Variants in DIP2C observed in about 807,000 individuals in gnomAD.
The protein encoded by DIP2C is DIP2 acetate--CoA ligase C (putative).
Under a neutral mutation model 192.4 loss-of-function variants are expected in DIP2C, and 33 were observed. That is an observed-to-expected ratio of 0.17 (90% CI 0.13 to 0.23). The LOEUF (loss-of-function observed/expected upper bound fraction) is 0.23, where lower values mean the gene tolerates loss of function less well. DIP2C is among the 10% of genes least tolerant of loss of function. DIP2C has a pLI of 1.00. For synonymous variants in DIP2C, 979 were observed against 864.1 expected, an observed-to-expected ratio of 1.13 and a Z score of -2.33; for missense variants, 1,537 against 2,110.1, an observed-to-expected ratio of 0.73 and a Z score of 5.32.
Position 364,520 on chromosome 10 carries a change from C to A in DIP2C, c.2331G>T (p.Leu777Phe). 6.2e-7 allele frequency: 1 copy of A among 1,614,202 alleles called. No individual in the cohort carries two copies. The highest frequency in any genetic ancestry group is 8.5e-7 in the Non-Finnish European group (1 of 1,180,038). ...ISEYPFIRTG[L>F]LGFVGPGGLV... is the part of the protein sequence containing the mutation. ...GGCCTCCGGGACCCACGAACCCCAG[C>A]AAGCCTGTCCTTATGAATGGGTATT... The change falls in exon 20 of 37, where the codon TTG becomes TTT. Residue 777 changes from leucine (L) to phenylalanine (F), a missense_variant. Transcript: ENST00000280886.
Position 327,096 on chromosome 10 carries a change from C to G in DIP2C, c.3834G>C (p.Ser1278=), listed in dbSNP as rs374923846. Reference sequence around the variant, plus strand: ...CCAGGTCCTTAAACAGCTTTGAGAACGACTGTGTGAGTGCGATCCGAGGCC... The same window carrying G: ...CCAGGTCCTTAAACAGCTTTGAGAAGGACTGTGTGAGTGCGATCCGAGGCC... ...EERPRIALTQ[S]FSKLFKDLGL... The change falls in exon 31 of 37, where the codon TCG becomes TCC. Residue 1278 remains serine (S), a synonymous_variant. Transcript: ENST00000280886. 2 of 1,614,152 alleles carry G rather than the reference C, an allele frequency of 1.2e-6. No homozygotes were observed. Among genetic ancestry groups the G allele is most frequent in the Admixed American group, 1.7e-5 (1 of 60,030 alleles).
chr10:468,016 T>C (rs1377386185), intron 3 of DIP2C, among the ~76,000 whole-genome samples: 2 of 152,144 alleles, frequency 1.3e-5, no homozygotes, highest in African/African-American at 4.8e-5. Context: ...TACTGCAAGA[T>C]GAGTGGTCAC....
chr10:666,678 C>G lies in DIP2C; in HGVS notation c.85+22816G>C, dbSNP rs1857121528. The G allele has an allele frequency of 1.3e-5, 2 of 151,738 alleles. No individual in the cohort carries two copies. Among genetic ancestry groups the G allele is most frequent in the African/African-American group, 4.9e-5 (2 of 41,114 alleles). The allele number at this position is 151,738 out of a possible 1,614,324, so 9.4% of individuals were successfully genotyped here. ...GCACAGCTATTAAAAGTTCAATAAA[C>G]GTGGTGGCAGCAGCTGAACTGGCTA... On this transcript the variant is annotated intron_variant, in intron 1 of 36. Coordinates refer to ENST00000280886, the MANE Select transcript of DIP2C (RefSeq NM_014974.3). The surrounding 1 kb of genome is among the most constrained non-coding windows in gnomAD (Gnocchi z 4.1).
At chr10:679,626 G>A (rs182404493) in intron 1 of DIP2C, among the ~76,000 whole-genome samples, 599 of 93,658 alleles carry the variant, frequency 6.4e-3, no homozygotes, top group African/African-American at 0.026. Flanking sequence ...TGCTCCCTAT[G>A]CCCATGCTCC....
intron 2 of DIP2C, 21 bp downstream of exon 2, chr10:486,438 C>T (rs759689437): frequency 6.3e-7 from 1 of 1,578,888 alleles, no homozygotes; most frequent in Non-Finnish European, 8.6e-7. Flanking sequence ...AGGACTCATG[C>T]TACTCATGGG....
chr10:314,290 A>G (rs1225606478), intron 31 of DIP2C, among the ~76,000 whole-genome samples: 2 of 152,138 alleles, frequency 1.3e-5, no homozygotes, highest in African/African-American at 4.8e-5. Context: ...GCCCTGTAAC[A>G]ATTTCCCACT....
At chr10:379,491 C>T (rs972460739) in intron 17 of DIP2C, among the ~76,000 whole-genome samples, 1 of 152,158 alleles carries the variant, frequency 6.6e-6, no homozygotes, top group Non-Finnish European at 1.5e-5. Context: ...CTTGAAGGCC[C>T]TGGACCTTGA....
chr10:655,465 C>T (rs966250066), intron 1 of DIP2C, among the ~76,000 whole-genome samples: 1 of 152,140 alleles, frequency 6.6e-6, no homozygotes, highest in African/African-American at 2.4e-5. Flanking sequence ...CTGTTCTGTG[C>T]TATGTGACTC....
intron 1 of DIP2C, among the ~76,000 whole-genome samples, chr10:518,031 C>T (rs1846469861): frequency 6.6e-6 from 1 of 152,156 alleles, no homozygotes; most frequent in South Asian, 2.1e-4. Context: ...GTGGGGTGGG[C>T]GTGGGGTTGA....
intron 4 of DIP2C, among the ~76,000 whole-genome samples, chr10:424,495 A>G (rs1270671180): frequency 6.6e-6 from 1 of 150,868 alleles, no homozygotes; most frequent in Non-Finnish European, 1.5e-5. Flanking sequence ...CCTCCCAGGT[A>G]GCTGAGATTA....
At chr10:531,584 A>C (rs547252252) in intron 1 of DIP2C, among the ~76,000 whole-genome samples, 87 of 152,310 alleles carry the variant, frequency 5.7e-4, no homozygotes, top group African/African-American at 2.1e-3. Context: ...TATCGCCCTA[A>C]AGCCAACTCT....
rs1954417605 is a variant in DIP2C, at chr10:274,508, ACAGG to A, written c.*2813_*2816del. The A allele has an allele frequency of 6.6e-6, 1 of 152,248 alleles. No homozygotes were observed. Among genetic ancestry groups the A allele is most frequent in the Non-Finnish European group, 1.5e-5 (1 of 68,040 alleles). 9.4% of individuals were successfully genotyped at this position (152,248 alleles called of 1,614,324 possible). On this transcript the variant is annotated 3_prime_UTR_variant, in exon 37 of 37. Coordinates refer to ENST00000280886, the MANE Select transcript of DIP2C (RefSeq NM_014974.3). ...TTTTATTTGTTCATTTGAATATAAA[ACAGG>A]CGTTATCACAGATGTACAAAGCGTA...
chr10:519,626 G>C (rs1007896476), intron 1 of DIP2C, among the ~76,000 whole-genome samples: 2 of 152,240 alleles, frequency 1.3e-5, no homozygotes, highest in East Asian at 3.9e-4. Context: ...CCTTGCCAAG[G>C]GGCCCAGCAG....
intron 32 of DIP2C, among the ~76,000 whole-genome samples, chr10:289,609 C>G (rs1489592570): frequency 6.6e-6 from 1 of 152,176 alleles, no homozygotes; most frequent in Non-Finnish European, 1.5e-5. Flanking sequence ...CTCTTATGCA[C>G]TCGACACAGC....
At chr10:305,138 T>C (rs151331417) in intron 32 of DIP2C, among the ~76,000 whole-genome samples, 2 of 152,208 alleles carry the variant, frequency 1.3e-5, no homozygotes, top group Non-Finnish European at 2.9e-5. Flanking sequence ...CAACAGCATA[T>C]ATACACAACA....
intron 1 of DIP2C, among the ~76,000 whole-genome samples, chr10:546,860 T>C (rs1848310942): frequency 6.6e-6 from 1 of 152,228 alleles, no homozygotes; most frequent in African/African-American, 2.4e-5. Flanking sequence ...TTTGTATATT[T>C]TAATATTCAC....
chr10:650,515 C>A, intron 1 of DIP2C: 2 of 686,642 alleles, frequency 2.9e-6, no homozygotes, highest in East Asian at 2.7e-5. Flanking sequence ...TCTTCCCCTG[C>A]CCCAGCTGGT....
intron 32 of DIP2C, among the ~76,000 whole-genome samples, chr10:306,460 G>T (rs1472134172): frequency 1.3e-5 from 2 of 152,196 alleles, no homozygotes; most frequent in Non-Finnish European, 2.9e-5. Flanking sequence ...ATACCAATAA[G>T]CTAACCTTCT....
intron 4 of DIP2C, among the ~76,000 whole-genome samples, chr10:424,116 C>T (rs1281547985): frequency 6.6e-6 from 1 of 152,092 alleles, no homozygotes; most frequent in Non-Finnish European, 1.5e-5. Context: ...AGAATCCTAC[C>T]TCCAGGTGAG....
Sources: allele counts gnomAD v4.1 joint callset (sites outside exome capture counted in the v4.1 genomes callset), GRCh38; gene constraint gnomAD v4.1.1; non-coding constraint Gnocchi (gnomAD v3.1); transcripts MANE v1.5; gene names NCBI Gene and HGNC (gene_info 2026-07-23, HGNC 2026-07-21).